The following UBE2L6 variants were observed in gnomAD, a reference collection of about 807,000 sequenced individuals.
UBE2L6 encodes ubiquitin/ISG15-conjugating enzyme E2 L6.
Under a neutral mutation model 13.6 loss-of-function variants are expected in UBE2L6, and 11 were observed. That is an observed-to-expected ratio of 0.81 (90% confidence interval 0.51 to 1.34). UBE2L6 has a LOEUF of 1.34. Among genes scored for constraint, UBE2L6 ranks in the 40% most tolerant of loss-of-function variants. The pLI, the probability that UBE2L6 is intolerant of heterozygous loss-of-function variation, is 0.00. For synonymous variants in UBE2L6, 74 were observed against 83.2 expected, an observed-to-expected ratio of 0.89 and a Z score of 0.60; for missense variants, 197 against 199.5, an observed-to-expected ratio of 0.99 and a Z score of 0.07.
intron 1 of UBE2L6, among the ~76,000 whole-genome samples, chr11:57,564,198 C>T (rs1945068340): frequency 6.6e-6 from 1 of 152,160 alleles, no homozygotes; most frequent in Admixed American, 6.5e-5. Flanking sequence ...AGGGTCCTAA[C>T]AGCAGCAAGA....
intron 1 of UBE2L6, chr11:57,566,958 C>CG (rs954513569): frequency 3.1e-5 from 6 of 194,768 alleles, no homozygotes; most frequent in African/African-American, 2.1e-4. Context: ...CCCCCCCCCC[C>CG]CTCCTAGAAC....
chr11:57,567,250 G>A (rs1945099969), intron 1 of UBE2L6: 2 of 482,022 alleles, frequency 4.1e-6, no homozygotes, highest in South Asian at 1.9e-5. Flanking sequence ...GCACCAAGAT[G>A]CCAAGGACTT....
chr11:57,565,762 T>C (rs972624456), intron 1 of UBE2L6, among the ~76,000 whole-genome samples: 12 of 152,208 alleles, frequency 7.9e-5, no homozygotes, highest in South Asian at 2.1e-4. Context: ...ACAAACCTTG[T>C]AGTAACCTCA....
rs751678454 is a variant in UBE2L6 at position 57,552,439 on chromosome 11, G to A, written c.381C>T (p.Asp127=). 7 of 1,614,150 alleles carry A rather than the reference G, an allele frequency of 4.3e-6. No homozygotes were observed. Among genetic ancestry groups the A allele is most frequent in the Non-Finnish European group, 5.9e-6 (7 of 1,180,014 alleles). ...IREPLRMDLA[D]LLTQNPELFR... is the part of the protein sequence containing the mutation. ...ACAGCTCCGGATTCTGTGTCAGCAG[G>A]TCAGCGAGGTCCATCCGCAGGGGCT... is the stretch of plus-strand genomic sequence containing the variant. Residue 127 remains aspartate, a synonymous_variant, in exon 4 of 4, where the codon GAC becomes GAT. Coordinates refer to ENST00000287156, the MANE Select transcript of UBE2L6 (RefSeq NM_004223.5).
intron 1 of UBE2L6, among the ~76,000 whole-genome samples, chr11:57,561,061 T>G (rs1374441012): frequency 1.3e-5 from 2 of 152,212 alleles, no homozygotes; most frequent in Non-Finnish European, 2.9e-5. Context: ...GCTTTTCTCC[T>G]GAAAGCAGGG....
chr11:57,563,626 A>T (rs1298863571), intron 1 of UBE2L6, among the ~76,000 whole-genome samples: 1 of 151,696 alleles, frequency 6.6e-6, no homozygotes, highest in African/African-American at 2.4e-5. Context: ...GAAGCAAAAT[A>T]ATAAAAGAAT....
intron 1 of UBE2L6, among the ~76,000 whole-genome samples, chr11:57,562,649 T>C (rs1945056153): frequency 6.6e-6 from 1 of 152,182 alleles, no homozygotes; most frequent in Non-Finnish European, 1.5e-5. Context: ...CTCCATTTGT[T>C]TGGGAGAAAG....
chr11:57,557,527 T>C (rs973469351), intron 2 of UBE2L6, among the ~76,000 whole-genome samples: 13 of 151,954 alleles, frequency 8.6e-5, no homozygotes, highest in Non-Finnish European at 1.8e-4. Context: ...CCCAACTAGT[T>C]GGGATTATAG....
In UBE2L6 at chr11:57,567,607, A is replaced by G. The variant is rs779011383; in HGVS notation, c.5T>C (p.Met2Thr). Reference protein sequence around the residue: MMASMRVVKELE... With the variant: MTASMRVVKELE... Reference sequence around the variant, plus strand: ...TACCTTCACCACTCGCATGCTCGCCATCATGTCGGGACCGAGTGTGTGGCA... The same window carrying G: ...TACCTTCACCACTCGCATGCTCGCCGTCATGTCGGGACCGAGTGTGTGGCA... Residue 2 changes from methionine (M) to threonine (T), a missense_variant, in exon 1 of 4, where the codon ATG becomes ACG. By Grantham distance (81) the Met-to-Thr change is moderately conservative. Transcript: ENST00000287156. 2.2e-5 allele frequency: 35 copies of G among 1,608,472 alleles called. No homozygotes were observed. The Admixed American group carries it at 5.7e-4, about 26-fold the overall frequency.
chr11:57,554,855 C>T (rs550309599), intron 2 of UBE2L6, among the ~76,000 whole-genome samples: 2 of 152,156 alleles, frequency 1.3e-5, no homozygotes, highest in Non-Finnish European at 2.9e-5. Context: ...GCTGTGTGAC[C>T]ACGGGTGAGC....
rs368582367 is a variant in UBE2L6, at chr11:57,554,592, T to C, written c.155A>G (p.Asn52Ser). The change falls in exon 3 of 4, where the codon AAC becomes AGC. Residue 52 changes from asparagine (N) to serine (S), a missense_variant. Asn to Ser is a conservative substitution (Grantham distance 46). Transcript: ENST00000287156. ...DQPPYHLKAF[N>S]LRISFPPEYP... Reference sequence around the variant, plus strand: ...CTCCGGCGGGAAGCTGATGCGCAGGTTGAAGGCTTTCAGGTGGTAGGGAGG... The same window carrying C: ...CTCCGGCGGGAAGCTGATGCGCAGGCTGAAGGCTTTCAGGTGGTAGGGAGG... 24 of 1,614,096 alleles carry C rather than the reference T, an allele frequency of 1.5e-5. 1 individual carries two copies. The highest frequency in any genetic ancestry group is 1.3e-4 in the African/African-American group (10 of 75,004).
At chr11:57,552,534 G>C (rs752761938) in intron 3 of UBE2L6, 25 bp from the exon 4 acceptor site, 2 of 1,613,824 alleles carry the variant, frequency 1.2e-6, no homozygotes, top group Non-Finnish European at 1.7e-6. Context: ...GCCAGATCAG[G>C]ATATCAGGGC....
chr11:57,556,928 T>C (rs914595719), intron 2 of UBE2L6, among the ~76,000 whole-genome samples: 3 of 151,810 alleles, frequency 2.0e-5, no homozygotes, highest in South Asian at 2.1e-4. Flanking sequence ...TCCACTAAAA[T>C]ACAAAAAGGT....
Position 57,554,607 on chromosome 11 carries a change from T to C in UBE2L6, c.140A>G (p.His47Arg), listed in dbSNP as rs1944983850. The C allele has an allele frequency of 1.9e-6, 3 of 1,614,024 alleles. No individual in the cohort carries two copies. The highest frequency in any genetic ancestry group is 4.5e-5 in the East Asian group (2 of 44,872). The stretch of plus-strand genomic sequence containing the variant: ...GATGCGCAGGTTGAAGGCTTTCAGG[T>C]GGTAGGGAGGTTGGTCCTGTGCAGA... Reference protein sequence around the residue: ...ALLLPDQPPYHLKAFNLRISF... With the variant: ...ALLLPDQPPYRLKAFNLRISF... The change falls in exon 3 of 4, where the codon CAC (histidine) becomes CGC (arginine). Residue 47 changes from histidine to arginine, a missense_variant. His to Arg is a conservative substitution (Grantham distance 29). Transcript: ENST00000287156.
At chr11:57,559,028 C>T (rs1049552375) in intron 2 of UBE2L6, among the ~76,000 whole-genome samples, 5 of 152,200 alleles carry the variant, frequency 3.3e-5, no homozygotes, top group South Asian at 4.1e-4. Flanking sequence ...CTCTGCCAAA[C>T]GAGACCTTTC....
At chr11:57,553,472 G>C (rs1944974219) in intron 3 of UBE2L6, among the ~76,000 whole-genome samples, 1 of 150,954 alleles carries the variant, frequency 6.6e-6, no homozygotes, top group East Asian at 2.0e-4. Context: ...AACTGCCTGG[G>C]CAATAGAGAC....
Position 57,552,269 on chromosome 11 carries a change from A to T in UBE2L6, c.*89T>A. The T allele has an allele frequency of 6.5e-7, 1 of 1,531,488 alleles. No individual in the cohort carries two copies. The highest frequency in any genetic ancestry group is 2.3e-5 in the East Asian group (1 of 44,194). The allele number at this position is 1,531,488 out of a possible 1,614,324, so 94.9% of individuals were successfully genotyped here. A position where few individuals can be genotyped will look rare whatever the true frequency, so the allele number is the denominator to read the frequency against. On this transcript the variant is annotated 3_prime_UTR_variant, in exon 4 of 4. Transcript: ENST00000287156. ...CCTAAGAAGGGAAAAATGAATGGGG[A>T]ATGGGCCACAGGGGGCTCTGGCCTC...
upstream of UBE2L6, chr11:57,567,934 G>A: frequency 3.1e-6 from 1 of 325,244 alleles, no homozygotes; most frequent in Admixed American, 5.1e-5. Flanking sequence ...TGCACCGGCG[G>A]CGAGCGCTCA....
chr11:57,557,922 G>A (rs537267452), intron 2 of UBE2L6, among the ~76,000 whole-genome samples: 28 of 152,288 alleles, frequency 1.8e-4, no homozygotes, highest in Non-Finnish European at 2.2e-4. Context: ...GCTCTGCCTC[G>A]GGCTTGCTGT....
Sources: gnomAD v4.1 joint callset for allele counts (sites outside exome capture counted in the v4.1 genomes callset) on GRCh38, gnomAD v4.1.1 for gene constraint, MANE v1.5 for transcripts, NCBI Gene and HGNC (gene_info 2026-07-23, HGNC 2026-07-21) for gene names.